Variants in SULT2B1 observed in about 807,000 individuals in gnomAD.
SULT2B1 encodes sulfotransferase family 2B member 1, also known as sulfotransferase 2B1.
A neutral mutation model predicts 33.2 loss-of-function variants in SULT2B1; 16 were observed. The observed-to-expected ratio is 0.48, with a 90% CI of 0.33 to 0.73. The LOEUF (loss-of-function observed/expected upper bound fraction) is 0.73. Ranked by LOEUF, SULT2B1 falls within the 30% of genes least tolerant of loss-of-function variation. SULT2B1 has a pLI of 0.02. For missense variants in SULT2B1, 500 were observed against 506.0 expected, an observed-to-expected ratio of 0.99 and a Z score of 0.11; for synonymous variants, 186 against 200.5, an observed-to-expected ratio of 0.93 and a Z score of 0.61.
chr19:48,558,419 C>A (rs984777352), intron 1 of SULT2B1, among the ~76,000 whole-genome samples: 1 of 152,170 alleles, frequency 6.6e-6, no homozygotes, highest in Non-Finnish European at 1.5e-5. Flanking sequence ...AGAGAAGCCA[C>A]GCCGGCCTTT....
At chr19:48,581,505 C>G (rs1296937288) in intron 2 of SULT2B1, among the ~76,000 whole-genome samples, 2 of 130,490 alleles carry the variant, frequency 1.5e-5, no homozygotes, top group Non-Finnish European at 3.2e-5. Context: ...GAGTCTCGCT[C>G]TGTCACCTAG....
At chr19:48,576,933 G>T (rs562181282) in intron 2 of SULT2B1, among the ~76,000 whole-genome samples, 1 of 151,402 alleles carries the variant, frequency 6.6e-6, no homozygotes, top group African/African-American at 2.4e-5. Flanking sequence ...GAGCCACCGC[G>T]CCTGGCTAAA....
At chr19:48,565,263 GACATCTGAATGTTTCACCCTAA>G (rs1388693643) in intron 1 of SULT2B1, among the ~76,000 whole-genome samples, 1 of 151,984 alleles carries the variant, frequency 6.6e-6, no homozygotes, top group African/African-American at 2.4e-5. Flanking sequence ...GTAAGTTACA[GACATCTGAATGTTTCACCCTAA>G]ACATTCCAGG....
intron 2 of SULT2B1, among the ~76,000 whole-genome samples, chr19:48,577,114 ACCTCTGCCT>A (rs1185957132): frequency 7.3e-6 from 1 of 136,126 alleles, no homozygotes; most frequent in Admixed American, 7.8e-5. Flanking sequence ...GCTCACTGTA[ACCTCTGCCT>A]CCTGGGTTCA....
At chr19:48,563,977 A>AAAGAAGAGG (rs1347268583) in intron 1 of SULT2B1, among the ~76,000 whole-genome samples, 2 of 151,058 alleles carry the variant, frequency 1.3e-5, no homozygotes, top group African/African-American at 4.9e-5. Context: ...AAAAAAAACA[A>AAAGAAGAGG]AAGAAGAGGA....
At chr19:48,557,068 A>G (rs146565744) in intron 1 of SULT2B1, among the ~76,000 whole-genome samples, 170 of 152,170 alleles carry the variant, frequency 1.1e-3, no homozygotes, top group African/African-American at 4.0e-3. Context: ...TGGACAACAC[A>G]GCAAGACCCC....
At chr19:48,579,689 C>A (rs1199067815) in intron 2 of SULT2B1, among the ~76,000 whole-genome samples, 2 of 150,406 alleles carry the variant, frequency 1.3e-5, no homozygotes, top group Non-Finnish European at 2.9e-5. Context: ...TCACTGCAAC[C>A]TCTGCCTCCT....
At chr19:48,568,932 C>A (rs1262139126) in intron 1 of SULT2B1, among the ~76,000 whole-genome samples, 1 of 152,222 alleles carries the variant, frequency 6.6e-6, no homozygotes, top group East Asian at 1.9e-4. Context: ...ACACCGCTCC[C>A]TCTCTCGCTA....
At chr19:48,576,748 G>A (rs1484665001) in intron 2 of SULT2B1, among the ~76,000 whole-genome samples, 3 of 147,764 alleles carry the variant, frequency 2.0e-5, no homozygotes, top group African/African-American at 5.0e-5. Context: ...CACATGATCC[G>A]CCCAACCTCA....
At chr19:48,588,017 T>C (rs10407495) in intron 3 of SULT2B1, among the ~76,000 whole-genome samples, 134,853 of 151,344 alleles carry the variant, frequency 0.89, 60,165 homozygotes, top group Non-Finnish European at 0.91. Context: ...CAATACCAGC[T>C]TGGCCAACAT....
Position 48,552,863 on chromosome 19 carries a change from G to C in SULT2B1, c.71+540G>C, listed in dbSNP as rs2147591581. ...GTCTCCTAACAGTGGTTAGGGCAGAGCACTGCCCACTTCCATGAGCTCAGC... is the reference window on the plus strand; with the variant it reads ...GTCTCCTAACAGTGGTTAGGGCAGACCACTGCCCACTTCCATGAGCTCAGC... On this transcript the variant is annotated intron_variant, in intron 1 of 6. Transcript: ENST00000201586. This position sits in a 1 kb window ranked among gnomAD's most constrained non-coding sequence, Gnocchi z 4.8. 6.6e-6 allele frequency among the ~76,000 whole-genome samples: 1 copy of C among 152,222 alleles called. No individual in the cohort carries two copies. The highest frequency in any genetic ancestry group is 2.4e-5 in the African/African-American group (1 of 41,538).
At chr19:48,579,605 C>CTTTCTTTTT (rs71179013) in intron 2 of SULT2B1, among the ~76,000 whole-genome samples, 855 of 79,788 alleles carry the variant, frequency 0.011, 34 homozygotes, top group East Asian at 0.033. Context: ...TTCTTTCTTT[C>CTTTCTTTTT]TTTTTTTTTT....
chr19:48,577,350 G>GTTT (rs1568408872), intron 2 of SULT2B1, among the ~76,000 whole-genome samples: 1 of 42,718 alleles, frequency 2.3e-5, no homozygotes, highest in Non-Finnish European at 4.8e-5. Flanking sequence ...CCACTGAGCC[G>GTTT]TCTTTTTTTT....
In SULT2B1 at chr19:48,571,649, C is replaced by CAAA. The variant is rs1243468644; in HGVS notation, c.72-4291_72-4290insAAA. ...ACAGAACAATAACAAAAGAAAAAAA[C>CAAA]ACCAGATTTTTTTAAATTCCCAGGC... is the stretch of plus-strand genomic sequence containing the variant. On this transcript the variant is annotated intron_variant, in intron 1 of 6. Coordinates refer to ENST00000201586, the MANE Select transcript of SULT2B1 (RefSeq NM_177973.2). Among the ~76,000 whole-genome samples, 12 of 150,430 alleles carry CAAA rather than the reference C, an allele frequency of 8.0e-5. No homozygotes were observed. In the South Asian group the frequency reaches 8.4e-4, roughly 11 times the overall value.
At chr19:48,581,299 C>T (rs11878722) in intron 2 of SULT2B1, among the ~76,000 whole-genome samples, 26,971 of 150,308 alleles carry the variant, frequency 0.18, 2,640 homozygotes, top group East Asian at 0.44. Flanking sequence ...CCAACTCGGC[C>T]TCCCAAAGTG....
At chr19:48,570,791 C>G (rs1418922006) in intron 1 of SULT2B1, among the ~76,000 whole-genome samples, 1 of 151,686 alleles carries the variant, frequency 6.6e-6, no homozygotes, top group Admixed American at 6.6e-5. Context: ...GTGGCGCGAT[C>G]TCGGCTCACT....
At chr19:48,584,953 G>A (rs1327485352) in intron 2 of SULT2B1, among the ~76,000 whole-genome samples, 2 of 149,936 alleles carry the variant, frequency 1.3e-5, no homozygotes, top group African/African-American at 2.5e-5. Flanking sequence ...GGAGGCTGAG[G>A]CAGGAGAATT....
Position 48,568,600 on chromosome 19 carries a change from G to A in SULT2B1, c.72-7341G>A, listed in dbSNP as rs561568057. Among the ~76,000 whole-genome samples the A allele has an allele frequency of 5.3e-5, 8 of 152,294 alleles. No individual in the cohort carries two copies. In the South Asian group the frequency reaches 1.4e-3, roughly 28 times the overall value. ...GGCTCCAAGTGAGGGAGAGCCTGGC[G>A]GGGAGAACAGCCCGGACAGAGGCAG... On this transcript the variant is annotated intron_variant, in intron 1 of 6. Transcript: ENST00000201586.
chr19:48,556,688 C>T (rs898163127), intron 1 of SULT2B1, among the ~76,000 whole-genome samples: 1 of 151,758 alleles, frequency 6.6e-6, no homozygotes, highest in Non-Finnish European at 1.5e-5. Flanking sequence ...CAGTGGCTCA[C>T]ACCTGTAATC....
Sources: allele counts gnomAD v4.1 joint callset (sites outside exome capture counted in the v4.1 genomes callset), GRCh38; gene constraint gnomAD v4.1.1; non-coding constraint Gnocchi (gnomAD v3.1); transcripts MANE v1.5; gene names NCBI Gene and HGNC (gene_info 2026-07-23, HGNC 2026-07-21).